Variants in TAS2R8 observed in about 807,000 individuals in gnomAD.
The protein encoded by TAS2R8 is taste 2 receptor member 8, also known as taste receptor type 2 member 8.
For synonymous variants in TAS2R8, 139 were observed against 123.9 expected, an observed-to-expected ratio of 1.12 and a Z score of -0.81; for missense variants, 396 against 358.1, an observed-to-expected ratio of 1.11 and a Z score of -0.85.
In TAS2R8 at chr12:10,806,954, A is replaced by G. The variant is rs749892126; in HGVS notation, c.27T>C (p.Phe9=). 13 of 1,609,242 alleles carry G rather than the reference A, an allele frequency of 8.1e-6. No homozygotes were observed. In the Admixed American group the frequency reaches 1.0e-4, roughly 12 times the overall value. ...TGAATTCTCCAGTTATTAGGATTATAAAGATGTTATCTGCAGGACTGAACA... is the reference window on the plus strand; with the variant it reads ...TGAATTCTCCAGTTATTAGGATTATGAAGATGTTATCTGCAGGACTGAACA... MFSPADNI[F]IILITGEFIL... The change falls in exon 1 of 1, where the codon TTT becomes TTC. Residue 9 remains phenylalanine (F), a synonymous_variant. Coordinates refer to ENST00000240615, the MANE Select transcript of TAS2R8 (RefSeq NM_023918.3).
At position 10,806,172 on chromosome 12, in the gene TAS2R8, C is replaced by T; in HGVS notation, c.809G>A (p.Gly270Glu). 1 of 1,613,464 alleles carries T rather than the reference C, an allele frequency of 6.2e-7. No homozygotes were observed. The change falls in exon 1 of 1, where the codon GGA becomes GAA. Residue 270 changes from glycine to glutamate, a missense_variant. Coordinates refer to ENST00000240615, the MANE Select transcript of TAS2R8 (RefSeq NM_023918.3). Reference sequence around the variant, plus strand: ...GGGGTAGAGAATTGCTGCAATCTCTCCAAACTCCACAGCTAACTTGTATTT... The same window carrying T: ...GGGGTAGAGAATTGCTGCAATCTCTTCAAACTCCACAGCTAACTTGTATTT... ...MTKYKLAVEF[G>E]EIAAILYPLG...
rs747364221 is a variant in TAS2R8, at chr12:10,806,503, C to A, written c.478G>T (p.Ala160Ser). ...IVLSCDYRFH[A>S]IAKHKRNITE... Reference sequence around the variant, plus strand: ...ATGTTTCTTTTATGTTTGGCAATTGCATGAAACCTATAATCACAACTCAGT... The same window carrying A: ...ATGTTTCTTTTATGTTTGGCAATTGAATGAAACCTATAATCACAACTCAGT... The change falls in exon 1 of 1, where the codon GCA (alanine) becomes TCA (serine). Residue 160 changes from alanine (A) to serine (S), a missense_variant. Coordinates refer to ENST00000240615, the MANE Select transcript of TAS2R8 (RefSeq NM_023918.3). 4.3e-5 allele frequency: 70 copies of A among 1,613,658 alleles called. No homozygotes were observed. The highest frequency in any genetic ancestry group is 5.7e-5 in the Non-Finnish European group (67 of 1,179,864).
In TAS2R8 at chr12:10,806,575, C is replaced by T. The variant is rs1948726060; in HGVS notation, c.406G>A (p.Gly136Arg). ...IDMVVHWILLGCFAISLLVSL... is the reference protein window; with the variant it reads ...IDMVVHWILLRCFAISLLVSL... ...ACCAACAAGGAAATGGCAAAGCATC[C>T]CAGCAGGATCCAGTGCACCACCATA... is the stretch of plus-strand genomic sequence containing the variant. Residue 136 changes from glycine (G) to arginine (R), a missense_variant, in exon 1 of 1, where the codon GGA becomes AGA. Transcript: ENST00000240615. The T allele has an allele frequency of 6.2e-7, 1 of 1,613,694 alleles. No homozygotes were observed. The highest frequency in any genetic ancestry group is 1.7e-5 in the Admixed American group (1 of 59,918).
In TAS2R8 at chr12:10,807,188, G is replaced by A; in HGVS notation, c.-208C>T. The A allele has an allele frequency of 4.1e-6, 2 of 486,458 alleles. No individual in the cohort carries two copies. The highest frequency in any genetic ancestry group is 7.1e-6 in the Non-Finnish European group (2 of 279,940). The allele number at this position is 486,458 out of a possible 1,614,324, so 30.1% of individuals were successfully genotyped here. A position where few individuals can be genotyped will look rare whatever the true frequency, so the allele number is the denominator to read the frequency against. On this transcript the variant is annotated 5_prime_UTR_variant, in exon 1 of 1. Transcript: ENST00000240615. Reference sequence around the variant, plus strand: ...ACTCCTGAAGATGAAACCAACTAATGAGCAGCTTGACTAGTTATTTATAGC... The same window carrying A: ...ACTCCTGAAGATGAAACCAACTAATAAGCAGCTTGACTAGTTATTTATAGC...
Position 10,806,629 on chromosome 12 carries a change from G to A in TAS2R8, c.352C>T (p.Leu118Phe), listed in dbSNP as rs770656210. 1.1e-5 allele frequency: 18 copies of A among 1,613,808 alleles called. No homozygotes were observed. In the African/African-American group the frequency reaches 1.6e-4, roughly 14 times the overall value. The change falls in exon 1 of 1, where the codon CTT (leucine) becomes TTT (phenylalanine). Residue 118 changes from leucine (L) to phenylalanine (F), a missense_variant. Transcript: ENST00000240615. Reference protein sequence around the residue: ...FLKIASSSHPLFLWLKWKIDM... With the variant: ...FLKIASSSHPFFLWLKWKIDM... ...ATTTTCCACTTCAGCCAGAGAAAAA[G>A]TGGATGAGAGGAACTGGCTATCTTC...
At chr12:10,806,157 AT>A in the TAS2R8 span, 3 of 1,613,368 alleles carry the variant, frequency 1.9e-6, no homozygotes, top group Non-Finnish European at 2.5e-6. Flanking sequence ...GGGGTAGAGA[AT>A]TGCTGCAATC....
chr12:10,807,037 G>A lies in TAS2R8; in HGVS notation c.-57C>T. 3 of 1,352,552 alleles carry A rather than the reference G, an allele frequency of 2.2e-6. No individual in the cohort carries two copies. Among genetic ancestry groups the A allele is most frequent in the Admixed American group, 4.3e-5 (2 of 46,572 alleles). The allele number at this position is 1,352,552 out of a possible 1,614,324, so 83.8% of individuals were successfully genotyped here. On this transcript the variant is annotated 5_prime_UTR_variant, in exon 1 of 1. Transcript: ENST00000240615. ...TCACTGTAGATGAGCTAATTTACAG[G>A]TGACCTGTTAAAGCATGATAGATCA... is the stretch of plus-strand genomic sequence containing the variant.
At position 10,807,116 on chromosome 12, in the gene TAS2R8, T is replaced by C. The variant is rs1948732521; in HGVS notation, c.-136A>G. 2.6e-6 allele frequency: 2 copies of C among 754,766 alleles called. No individual in the cohort carries two copies. The highest frequency in any genetic ancestry group is 3.5e-5 in the African/African-American group (2 of 56,714). 46.8% of individuals were successfully genotyped at this position (754,766 alleles called of 1,614,324 possible). A position where few individuals can be genotyped will look rare whatever the true frequency, so the allele number is the denominator to read the frequency against. The stretch of plus-strand genomic sequence containing the variant: ...ATCTGCTGTTATTTCGACGTTGTTA[T>C]TCTTCCGGAAGTGTTCAGCTCTCCT... On this transcript the variant is annotated 5_prime_UTR_variant, in exon 1 of 1. Transcript: ENST00000240615.
Position 10,806,311 on chromosome 12 carries a change from C to A in TAS2R8, c.670G>T (p.Asp224Tyr). 1 of 1,613,720 alleles carries A rather than the reference C, an allele frequency of 6.2e-7. No individual in the cohort carries two copies. The highest frequency in any genetic ancestry group is 1.1e-5 in the South Asian group (1 of 91,062). ...QIKLYATGSR[D>Y]PSTEVHVRAI... ...CTCACATGAACTTCTGTGCTGGGGTCTCTACTGCCGGTAGCATAGAGTTTT... is the reference window on the plus strand; with the variant it reads ...CTCACATGAACTTCTGTGCTGGGGTATCTACTGCCGGTAGCATAGAGTTTT... The change falls in exon 1 of 1, where the codon GAC becomes TAC. Residue 224 changes from aspartate (D) to tyrosine (Y), a missense_variant. Physicochemically the swap from Asp to Tyr is radical, Grantham distance 160 (BLOSUM62 -3). Coordinates refer to ENST00000240615, the MANE Select transcript of TAS2R8 (RefSeq NM_023918.3).
At position 10,806,680 on chromosome 12, in the gene TAS2R8, T is replaced by C. The variant is rs1165930396; in HGVS notation, c.301A>G (p.Thr101Ala). Residue 101 changes from threonine (T) to alanine (A), a missense_variant, in exon 1 of 1, where the codon ACC becomes GCC. Transcript: ENST00000240615. ...FANYLNMWIT[T>A]CLNVFYFLKI... ...AGAAAATAGAAGACATTAAGGCAGG[T>C]GGTAATCCACATATTTAAGTAGTTG... The C allele has an allele frequency of 1.2e-6, 2 of 1,613,776 alleles. No homozygotes were observed. Among genetic ancestry groups the C allele is most frequent in the African/African-American group, 2.7e-5 (2 of 74,908 alleles).
rs1948724817 is a variant in TAS2R8, at chr12:10,806,483, T to G, written c.498A>C (p.Arg166Ser). 1 of 1,613,906 alleles carries G rather than the reference T, an allele frequency of 6.2e-7. No individual in the cohort carries two copies. The highest frequency in any genetic ancestry group is 2.2e-5 in the East Asian group (1 of 44,850). ...YRFHAIAKHK[R>S]NITEMFHVSK... ...TCACATGGAACATTTCAGTAATGTT[T>G]CTTTTATGTTTGGCAATTGCATGAA... is the stretch of plus-strand genomic sequence containing the variant. Residue 166 changes from arginine to serine, a missense_variant, in exon 1 of 1, where the codon AGA becomes AGC. Coordinates refer to ENST00000240615, the MANE Select transcript of TAS2R8 (RefSeq NM_023918.3).
In TAS2R8 at chr12:10,806,361, G is replaced by T; in HGVS notation, c.620C>A (p.Ser207Tyr). 2 of 1,613,750 alleles carry T rather than the reference G, an allele frequency of 1.2e-6. No homozygotes were observed. The highest frequency in any genetic ancestry group is 4.5e-5 in the East Asian group (2 of 44,856). ...SLISFFLLVRSLWRHTKQIKL... is the reference protein window; with the variant it reads ...SLISFFLLVRYLWRHTKQIKL... Reference sequence around the variant, plus strand: ...TATTTGCTTGGTATGTCTCCATAAAGATCTTACTAAAAGGAAAAATGATAT... The same window carrying T: ...TATTTGCTTGGTATGTCTCCATAAATATCTTACTAAAAGGAAAAATGATAT... The change falls in exon 1 of 1, where the codon TCT (serine) becomes TAT (tyrosine). Residue 207 changes from serine to tyrosine, a missense_variant. By Grantham distance (144) the Ser-to-Tyr change is moderately radical. Transcript: ENST00000240615.
Position 10,806,328 on chromosome 12 carries a change from T to C in TAS2R8, c.653A>G (p.Tyr218Cys). ...GCTGGGGTCTCTACTGCCGGTAGCA[T>C]AGAGTTTTATTTGCTTGGTATGTCT... ...LWRHTKQIKL[Y>C]ATGSRDPSTE... Residue 218 changes from tyrosine to cysteine, a missense_variant, in exon 1 of 1, where the codon TAT becomes TGT. By Grantham distance (194) the Tyr-to-Cys change is radical (BLOSUM62 -2). Coordinates refer to ENST00000240615, the MANE Select transcript of TAS2R8 (RefSeq NM_023918.3). 6.2e-7 allele frequency: 1 copy of C among 1,613,806 alleles called. No individual in the cohort carries two copies. Among genetic ancestry groups the C allele is most frequent in the Non-Finnish European group, 8.5e-7 (1 of 1,179,916 alleles).
Position 10,806,862 on chromosome 12 carries a change from T to C in TAS2R8, c.119A>G (p.Lys40Arg). ...VNWIDWIKKKKISTVDYILTN... is the reference protein window; with the variant it reads ...VNWIDWIKKKRISTVDYILTN... The stretch of plus-strand genomic sequence containing the variant: ...AAGGATGTAGTCAACTGTGGAAATC[T>C]TTTTCTTCTTAATCCAGTCAATCCA... The change falls in exon 1 of 1, where the codon AAG becomes AGG. Residue 40 changes from lysine (K) to arginine (R), a missense_variant. By Grantham distance (26) the Lys-to-Arg change is conservative. Coordinates refer to ENST00000240615, the MANE Select transcript of TAS2R8 (RefSeq NM_023918.3). 1 of 1,613,638 alleles carries C rather than the reference T, an allele frequency of 6.2e-7. No individual in the cohort carries two copies. The highest frequency in any genetic ancestry group is 8.5e-7 in the Non-Finnish European group (1 of 1,179,860).
Position 10,806,986 on chromosome 12 carries a change from T to C in TAS2R8, c.-6A>G. The C allele has an allele frequency of 6.3e-7, 1 of 1,578,752 alleles. No homozygotes were observed. The highest frequency in any genetic ancestry group is 8.6e-7 in the Non-Finnish European group (1 of 1,164,404). On this transcript the variant is annotated 5_prime_UTR_variant, in exon 1 of 1. Transcript: ENST00000240615. ...TTATCTGCAGGACTGAACATGTTTG[T>C]AGAGAGAACAATCTGATTTCAAATA...
rs1548803 is a variant in TAS2R8, at chr12:10,806,432, C to T, written c.549G>A (p.Leu183=). The T allele has an allele frequency of 0.58, 939,188 of 1,613,422 alleles. 279,485 individuals carry two copies. Among genetic ancestry groups the T allele is most frequent in the East Asian group, 0.67 (29,947 of 44,838 alleles). ...CAATTGCAAACAGGTTAAAGAGAGT[C>T]AAGGGTTCAAAGTATGGTATTTTAC... is the stretch of plus-strand genomic sequence containing the variant. ...HVSKIPYFEP[L]TLFNLFAIVP... Residue 183 remains leucine, a synonymous_variant, in exon 1 of 1, where the codon TTG becomes TTA. Coordinates refer to ENST00000240615, the MANE Select transcript of TAS2R8 (RefSeq NM_023918.3).
chr12:10,806,321 G>T lies in TAS2R8; in HGVS notation c.660C>A (p.Thr220=). ...RHTKQIKLYA[T]GSRDPSTEVH... ...CTTCTGTGCTGGGGTCTCTACTGCC[G>T]GTAGCATAGAGTTTTATTTGCTTGG... The change falls in exon 1 of 1, where the codon ACC becomes ACA. Residue 220 remains threonine, a synonymous_variant. Transcript: ENST00000240615. 1 of 1,613,642 alleles carries T rather than the reference G, an allele frequency of 6.2e-7. No individual in the cohort carries two copies. The highest frequency in any genetic ancestry group is 8.5e-7 in the Non-Finnish European group (1 of 1,179,892).
Position 10,807,054 on chromosome 12 carries a change from G to T in TAS2R8, c.-74C>A. 8.5e-7 allele frequency: 1 copy of T among 1,178,094 alleles called. No individual in the cohort carries two copies. The highest frequency in any genetic ancestry group is 1.2e-6 in the Non-Finnish European group (1 of 836,544). 73.0% of individuals were successfully genotyped at this position (1,178,094 alleles called of 1,614,324 possible). ...ATTTACAGGTGACCTGTTAAAGCAT[G>T]ATAGATCAATTCTTCGAATCATGCA... is the stretch of plus-strand genomic sequence containing the variant. On this transcript the variant is annotated 5_prime_UTR_variant, in exon 1 of 1. An upstream open reading frame in the 5' UTR gains an earlier in-frame stop. Coordinates refer to ENST00000240615, the MANE Select transcript of TAS2R8 (RefSeq NM_023918.3).
rs1448668713 is a variant in TAS2R8 at position 10,806,809 on chromosome 12, A to T, written c.172T>A (p.Leu58Met). 5 of 1,613,764 alleles carry T rather than the reference A, an allele frequency of 3.1e-6. No homozygotes were observed. The highest frequency in any genetic ancestry group is 4.2e-6 in the Non-Finnish European group (5 of 1,179,900). ...CCATTTACAACCATTACACTGATCA[A>T]ACAAATTCTGGCGATAACTAAATTG... ...LTNLVIARIC[L>M]ISVMVVNGIV... Residue 58 changes from leucine to methionine, a missense_variant, in exon 1 of 1, where the codon TTG (leucine) becomes ATG (methionine). Coordinates refer to ENST00000240615, the MANE Select transcript of TAS2R8 (RefSeq NM_023918.3).
Sources: gnomAD v4.1 joint callset for allele counts on GRCh38, gnomAD v4.1.1 for gene constraint, MANE v1.5 for transcripts, NCBI Gene and HGNC (gene_info 2026-07-23, HGNC 2026-07-21) for gene names.